IL4R: variants seen among roughly 807,000 people sequenced by gnomAD.
IL4R encodes interleukin 4 receptor, also known as interleukin-4 receptor subunit alpha.
In IL4R, 17 loss-of-function variants were observed where a neutral mutation model predicts 41.5. That is an observed-to-expected ratio of 0.41 (90% CI 0.28 to 0.61). The LOEUF (loss-of-function observed/expected upper bound fraction) is 0.61, where lower values mean the gene tolerates loss of function less well. Ranked by LOEUF, IL4R falls within the 20% of genes least tolerant of loss-of-function variation. The pLI, the probability that IL4R is intolerant of heterozygous loss-of-function variation, is 0.31. For missense variants in IL4R, 974 were observed against 1,043.1 expected (o/e 0.93, Z 0.91); for synonymous variants, 402 against 422.9 (o/e 0.95, Z 0.61).
chr16:27,317,575 T>C (rs1315728538), intron 1 of IL4R, among the ~76,000 whole-genome samples: 1 of 152,114 alleles, frequency 6.6e-6, no homozygotes, highest in Non-Finnish European at 1.5e-5. Context: ...CTTGAGGTGC[T>C]ACAGAGGCTG....
rs538765536 is a variant in IL4R at position 27,361,451 on chromosome 16, A to C, written c.899+636A>C. Among the ~76,000 whole-genome samples, 30 of 152,048 alleles carry C rather than the reference A, an allele frequency of 2.0e-4. 1 individual carries two copies. In the East Asian group the frequency reaches 5.9e-3, roughly 30 times the overall value. On this transcript the variant is annotated intron_variant, in intron 10 of 10. Coordinates refer to ENST00000395762, the MANE Select transcript of IL4R (RefSeq NM_000418.4). ...GACAGAGTGAGACTCTTGTCTCAAAAAAAATAATACCAAAAAAAGTTTTTG... is the reference window on the plus strand; with the variant it reads ...GACAGAGTGAGACTCTTGTCTCAAACAAAATAATACCAAAAAAAGTTTTTG...
At chr16:27,316,872 T>G (rs1052829925) in intron 1 of IL4R, among the ~76,000 whole-genome samples, 1 of 152,112 alleles carries the variant, frequency 6.6e-6, no homozygotes, top group African/African-American at 2.4e-5. Flanking sequence ...GTACCTGGTA[T>G]GTAGTACAAA....
intron 10 of IL4R, 77 bp downstream of exon 10, chr16:27,360,892 A>C (rs751189046): frequency 6.2e-7 from 1 of 1,612,504 alleles, no homozygotes; most frequent in East Asian, 2.2e-5. Flanking sequence ...CCCTAGCTCC[A>C]TGTCTGCCTT....
chr16:27,313,836 G>A (rs2084540127), upstream of IL4R: 1 of 838,570 alleles, frequency 1.2e-6, no homozygotes, highest in Non-Finnish European at 1.4e-6. Context: ...GACCCGGGCC[G>A]GGCGCGCCGG....
At chr16:27,318,924 C>CG (rs2084728273) in intron 1 of IL4R, among the ~76,000 whole-genome samples, 1 of 152,132 alleles carries the variant, frequency 6.6e-6, no homozygotes, top group Non-Finnish European at 1.5e-5. Flanking sequence ...AGTGCCAGCC[C>CG]GGGGCTAGGT....
At chr16:27,349,521 G>A (rs1301725442) in intron 6 of IL4R, among the ~76,000 whole-genome samples, 2 of 152,162 alleles carry the variant, frequency 1.3e-5, no homozygotes, top group Admixed American at 6.5e-5. Flanking sequence ...CCAGGCAGAG[G>A]GAACTGCATG....
Position 27,336,676 on chromosome 16 carries a change from CAAAAAAAAA to C in IL4R, c.-18-3498_-18-3490del, listed in dbSNP as rs67336687. Among the ~76,000 whole-genome samples, 6 of 68,320 alleles carry C rather than the reference CAAAAAAAAA, an allele frequency of 8.8e-5. No individual in the cohort carries two copies. In the Admixed American group the frequency reaches 9.2e-4, roughly 10 times the overall value. The allele number at this position is 68,320 out of a possible 152,430, so 44.8% of individuals were successfully genotyped here. On this transcript the variant is annotated intron_variant, in intron 2 of 10. Transcript: ENST00000395762. ...TTGGGTAACAGAGTAAACTCTGTCT[CAAAAAAAAA>C]AAAAAAAAAAAGGAAAGGGAGGAAG...
intron 8 of IL4R, among the ~76,000 whole-genome samples, chr16:27,356,447 A>G (rs543720514): frequency 6.6e-6 from 1 of 152,118 alleles, no homozygotes; most frequent in African/African-American, 2.4e-5. Flanking sequence ...ATACATATCA[A>G]TCACAAACAG....
intron 1 of IL4R, among the ~76,000 whole-genome samples, chr16:27,325,183 G>A (rs749705608): frequency 4.6e-5 from 7 of 152,062 alleles, no homozygotes; most frequent in Admixed American, 2.6e-4. Flanking sequence ...CAAGGGCCCC[G>A]CTTGTAGGGT....
At chr16:27,351,860 G>T (rs2085891559) in intron 6 of IL4R, among the ~76,000 whole-genome samples, 1 of 152,156 alleles carries the variant, frequency 6.6e-6, no homozygotes, top group African/African-American at 2.4e-5. Flanking sequence ...AACATAAAAA[G>T]AAGCAGAGAA....
In IL4R at chr16:27,360,936, T is replaced by G. The variant is rs973656717; in HGVS notation, c.899+121T>G. 6 of 1,596,230 alleles carry G rather than the reference T, an allele frequency of 3.8e-6. No homozygotes were observed. The African/African-American group carries it at 8.0e-5, about 21-fold the overall frequency. Reference sequence around the variant, plus strand: ...TGCATTCGGTAATTGCCCTGTGACATTAGCCTTCAAGGGACGGCAGGAGGA... The same window carrying G: ...TGCATTCGGTAATTGCCCTGTGACAGTAGCCTTCAAGGGACGGCAGGAGGA... On this transcript the variant is annotated intron_variant, in intron 10 of 10. Coordinates refer to ENST00000395762, the MANE Select transcript of IL4R (RefSeq NM_000418.4).
intron 4 of IL4R, among the ~76,000 whole-genome samples, chr16:27,342,973 C>T (rs1214948138): frequency 6.6e-6 from 1 of 152,116 alleles, no homozygotes; most frequent in African/African-American, 2.4e-5. Context: ...CCTGGTGGGC[C>T]CAGACCACAC....
At chr16:27,316,231 G>T (rs1015450754) in intron 1 of IL4R, among the ~76,000 whole-genome samples, 1 of 152,130 alleles carries the variant, frequency 6.6e-6, no homozygotes, top group African/African-American at 2.4e-5. Context: ...TTAGCCAGGC[G>T]TGGTAGCAGG....
Position 27,363,649 on chromosome 16 carries a change from C to T in IL4R, c.2297C>T (p.Pro766Leu), listed in dbSNP as rs1465875417. The change falls in exon 11 of 11, where the codon CCA (proline) becomes CTA (leucine). Residue 766 changes from proline (P) to leucine (L), a missense_variant. By Grantham distance (98) the Pro-to-Leu change is moderately conservative (BLOSUM62 -3). Transcript: ENST00000395762. ...CCCCTGAGGGCCCCAGACCCCTCTC[C>T]AGGTGGGGTTCCACTGGAGGCCAGT... is the stretch of plus-strand genomic sequence containing the variant. ...TTPLRAPDPSPGGVPLEASLC... is the reference protein window; with the variant it reads ...TTPLRAPDPSLGGVPLEASLC... 1.2e-6 allele frequency: 2 copies of T among 1,613,790 alleles called. No individual in the cohort carries two copies. The highest frequency in any genetic ancestry group is 1.1e-5 in the South Asian group (1 of 91,076).
chr16:27,352,940 G>A (rs896077246), intron 7 of IL4R, among the ~76,000 whole-genome samples: 23 of 152,218 alleles, frequency 1.5e-4, no homozygotes, highest in Non-Finnish European at 3.4e-4. Flanking sequence ...CACGTAACAA[G>A]CTAACGTGAA....
intron 1 of IL4R, among the ~76,000 whole-genome samples, chr16:27,315,197 T>A (rs2084606187): frequency 6.6e-6 from 1 of 152,186 alleles, no homozygotes; most frequent in Non-Finnish European, 1.5e-5. Context: ...TCAGTGCCTT[T>A]ATCAAAATCC....
chr16:27,363,417 A>G lies in IL4R; in HGVS notation c.2065A>G (p.Met689Val). ...GGAGCCGGGGGAAAAGGTAGAGGAC[A>G]TGCCAAAGCCCCCACTTCCCCAGGA... ...GLEPGEKVED[M>V]PKPPLPQEQA... Residue 689 changes from methionine to valine, a missense_variant, in exon 11 of 11, where the codon ATG becomes GTG. Transcript: ENST00000395762. 4.3e-6 allele frequency: 7 copies of G among 1,614,158 alleles called. No homozygotes were observed. Among genetic ancestry groups the G allele is most frequent in the Non-Finnish European group, 5.9e-6 (7 of 1,180,014 alleles).
chr16:27,322,902 G>T (rs2084854864), intron 1 of IL4R, among the ~76,000 whole-genome samples: 1 of 152,110 alleles, frequency 6.6e-6, no homozygotes, highest in Non-Finnish European at 1.5e-5. Context: ...GGAGACTGAG[G>T]CTCTGAGTGG....
intron 4 of IL4R, 137 bp from the exon 5 acceptor site, chr16:27,344,732 C>A: frequency 1.1e-6 from 1 of 913,592 alleles, no homozygotes; most frequent in Non-Finnish European, 1.6e-6. Flanking sequence ...CGCTCCCAAG[C>A]CCCCAGATCT....
Sources: gnomAD v4.1 joint callset for allele counts (sites outside exome capture counted in the v4.1 genomes callset) on GRCh38, gnomAD v4.1.1 for gene constraint, MANE v1.5 for transcripts, NCBI Gene and HGNC (gene_info 2026-07-23, HGNC 2026-07-21) for gene names.